Variants in RETREG1 observed in about 807,000 individuals in gnomAD.
RETREG1 encodes reticulophagy regulator 1.
RETREG1 carries 44 observed loss-of-function variants against 54.8 expected under a neutral mutation model. The observed-to-expected ratio is 0.80, with a 90% CI of 0.63 to 1.03. The LOEUF (loss-of-function observed/expected upper bound fraction) is 1.03, where lower values mean the gene tolerates loss of function less well. Ranked by LOEUF, RETREG1 falls within the 50% of genes least tolerant of loss-of-function variation. The pLI, the probability that RETREG1 is intolerant of heterozygous loss-of-function variation, is 0.00. For synonymous variants in RETREG1, 217 were observed against 238.5 expected (o/e 0.91, Z 0.83); for missense variants, 554 against 605.1 (o/e 0.92, Z 0.89).
chr5:16,524,239 C>T (rs1222446942), intron 3 of RETREG1, among the ~76,000 whole-genome samples: 1 of 152,212 alleles, frequency 6.6e-6, no homozygotes, highest in Non-Finnish European at 1.5e-5. Context: ...GACACATGTG[C>T]TCCTGGATGC....
At chr5:16,555,451 C>A (rs2617422) in intron 3 of RETREG1, among the ~76,000 whole-genome samples, 8 of 152,140 alleles carry the variant, frequency 5.3e-5, no homozygotes, top group African/African-American at 1.7e-4. Context: ...CACACTTGGC[C>A]TGTTTTTACA....
chr5:16,526,924 ACACT>A (rs1465015387), intron 3 of RETREG1, among the ~76,000 whole-genome samples: 1 of 152,126 alleles, frequency 6.6e-6, no homozygotes, highest in Non-Finnish European at 1.5e-5. Flanking sequence ...CAGACAACTA[ACACT>A]CACAGTGTCT....
In RETREG1 at chr5:16,565,744, C is replaced by G. The variant is rs200033691; in HGVS notation, c.458+19G>C. On this transcript the variant is annotated intron_variant, in intron 3 of 8. Coordinates refer to ENST00000306320, the MANE Select transcript of RETREG1 (RefSeq NM_001034850.3). ...CACCCTCCCTCCATTAAGCACAACA[C>G]GGAAAGAAAGTTCCCTACCTTTCAC... The G allele has an allele frequency of 3.1e-6, 5 of 1,613,932 alleles. No homozygotes were observed. The highest frequency in any genetic ancestry group is 4.2e-6 in the Non-Finnish European group (5 of 1,179,902).
chr5:16,577,363 T>C (rs1388179982), intron 1 of RETREG1, among the ~76,000 whole-genome samples: 1 of 151,650 alleles, frequency 6.6e-6, no homozygotes, highest in Non-Finnish European at 1.5e-5. Flanking sequence ...ACGCAGACTG[T>C]CTGGATGTCT....
chr5:16,616,612 C>T (rs1210951176), intron 1 of RETREG1, 40 bp downstream of exon 1: 2 of 1,553,816 alleles, frequency 1.3e-6, no homozygotes, highest in Non-Finnish European at 1.7e-6. Context: ...CCCAAGGTCA[C>T]CTGCCCTCCT....
rs1460083007 is a variant in RETREG1 at position 16,589,370 on chromosome 5, TTTTG to T, written c.321-17272_321-17269del. Among the ~76,000 whole-genome samples the T allele has an allele frequency of 7.2e-5, 11 of 152,168 alleles. No homozygotes were observed. In the South Asian group the frequency reaches 1.0e-3, roughly 14 times the overall value. ...AGTGTATCCAATGCATGTCTTTCTTTTTTGTTTGTTTATTTGTTTGTCTGTTTTC... is the reference window on the plus strand; with the variant it reads ...AGTGTATCCAATGCATGTCTTTCTTTTTTGTTTATTTGTTTGTCTGTTTTC... On this transcript the variant is annotated intron_variant, in intron 1 of 8. Coordinates refer to ENST00000306320, the MANE Select transcript of RETREG1 (RefSeq NM_001034850.3).
At chr5:16,553,781 T>A (rs1418664538) in intron 3 of RETREG1, among the ~76,000 whole-genome samples, 1 of 152,120 alleles carries the variant, frequency 6.6e-6, no homozygotes, top group Admixed American at 6.5e-5. Context: ...AACTTATATA[T>A]ATATTACAAA....
intron 1 of RETREG1, among the ~76,000 whole-genome samples, chr5:16,610,678 G>C (rs1419461425): frequency 6.6e-6 from 1 of 152,230 alleles, no homozygotes; most frequent in East Asian, 1.9e-4. Context: ...CTGGCCATCA[G>C]AGAAATGCAA....
intron 1 of RETREG1, among the ~76,000 whole-genome samples, chr5:16,603,993 G>C (rs1430616847): frequency 6.6e-6 from 1 of 152,164 alleles, no homozygotes; most frequent in African/African-American, 2.4e-5. Context: ...CAAAGGTGGT[G>C]GGGTGGAATC....
At chr5:16,554,385 C>T (rs1253232272) in intron 3 of RETREG1, among the ~76,000 whole-genome samples, 2 of 152,168 alleles carry the variant, frequency 1.3e-5, no homozygotes, top group Non-Finnish European at 2.9e-5. Context: ...GCTTGGGAGC[C>T]GGAGCCCTGG....
At chr5:16,495,079 C>A (rs1171238790) in intron 3 of RETREG1, among the ~76,000 whole-genome samples, 2 of 152,134 alleles carry the variant, frequency 1.3e-5, no homozygotes, top group African/African-American at 4.8e-5. Flanking sequence ...CTGTGAAACT[C>A]TGAACTTAAA....
intron 3 of RETREG1, among the ~76,000 whole-genome samples, chr5:16,556,544 G>A (rs897222545): frequency 6.6e-6 from 1 of 152,076 alleles, no homozygotes; most frequent in African/African-American, 2.4e-5. Context: ...TTAAAGGAAT[G>A]TCAAAAACGA....
At chr5:16,505,621 C>G (rs940096308) in intron 3 of RETREG1, among the ~76,000 whole-genome samples, 1 of 152,148 alleles carries the variant, frequency 6.6e-6, no homozygotes, top group Admixed American at 6.5e-5. Flanking sequence ...GTCTTGGTGC[C>G]TAGGGTCCCT....
intron 3 of RETREG1, among the ~76,000 whole-genome samples, chr5:16,505,617 G>A (rs1252988023): frequency 6.6e-6 from 1 of 152,148 alleles, no homozygotes; most frequent in African/African-American, 2.4e-5. Flanking sequence ...CTCCGTCTTG[G>A]TGCCTAGGGT....
chr5:16,519,328 G>T (rs1740455947), intron 3 of RETREG1, among the ~76,000 whole-genome samples: 2 of 152,126 alleles, frequency 1.3e-5, no homozygotes, highest in Admixed American at 1.3e-4. Context: ...ACCAACAAGA[G>T]TTCCCCAGGT....
At chr5:16,503,627 C>T (rs538761851) in intron 3 of RETREG1, among the ~76,000 whole-genome samples, 1 of 145,246 alleles carries the variant, frequency 6.9e-6, no homozygotes, top group African/African-American at 2.6e-5. Context: ...AAGATCACTG[C>T]ACTCCAGCCT....
chr5:16,580,823 T>TTAAG (rs1742459626), intron 1 of RETREG1, among the ~76,000 whole-genome samples: 1 of 152,128 alleles, frequency 6.6e-6, no homozygotes, highest in Non-Finnish European at 1.5e-5. Flanking sequence ...TAAGTGAAAA[T>TTAAG]GCAGAGACCT....
Position 16,582,815 on chromosome 5 carries a change from C to T in RETREG1, c.321-10713G>A, listed in dbSNP as rs370650059. Among the ~76,000 whole-genome samples the T allele has an allele frequency of 1.6e-4, 24 of 152,296 alleles. No homozygotes were observed. The East Asian group carries it at 2.9e-3, about 18-fold the overall frequency. On this transcript the variant is annotated intron_variant, in intron 1 of 8. Coordinates refer to ENST00000306320, the MANE Select transcript of RETREG1 (RefSeq NM_001034850.3). ...CGCTCAGAAGCCCCGAGAGTGAGGG[C>T]ACTCGTTCCACAAAGATGCCCATCA...
chr5:16,571,360 G>A lies in RETREG1; in HGVS notation c.427+636C>T, dbSNP rs575849935. On this transcript the variant is annotated intron_variant, in intron 2 of 8. Coordinates refer to ENST00000306320, the MANE Select transcript of RETREG1 (RefSeq NM_001034850.3). ...TCTATCTCATTACATTTAAGTTTATGGGGCTTAATTATTCTCAGGAGGGCT... is the reference window on the plus strand; with the variant it reads ...TCTATCTCATTACATTTAAGTTTATAGGGCTTAATTATTCTCAGGAGGGCT... Among the ~76,000 whole-genome samples, 4 of 152,242 alleles carry A rather than the reference G, an allele frequency of 2.6e-5. No homozygotes were observed. The South Asian group carries it at 6.2e-4, about 24-fold the overall frequency.
Sources: gnomAD v4.1 joint callset for allele counts (sites outside exome capture counted in the v4.1 genomes callset) on GRCh38, gnomAD v4.1.1 for gene constraint, MANE v1.5 for transcripts, NCBI Gene and HGNC (gene_info 2026-07-23, HGNC 2026-07-21) for gene names.